Variants in KIF3A observed in about 807,000 individuals in gnomAD.
KIF3A encodes the protein kinesin-like protein KIF3A.
In KIF3A, 27 loss-of-function variants were observed where a neutral mutation model predicts 92.6. The observed-to-expected ratio is 0.29, with a 90% CI of 0.21 to 0.40. The LOEUF is 0.40. KIF3A is among the 10% of genes least tolerant of loss of function. The pLI is 1.00. For synonymous variants in KIF3A, 250 were observed against 275.4 expected (o/e 0.91, Z 0.92); for missense variants, 581 against 872.6 (o/e 0.67, Z 4.21).
At chr5:132,709,835 G>A (rs1221855233) in intron 9 of KIF3A, among the ~76,000 whole-genome samples, 1 of 152,196 alleles carries the variant, frequency 6.6e-6, no homozygotes, top group East Asian at 1.9e-4. Context: ...CAGGTGGTGA[G>A]CTGGATTTAG....
At chr5:132,729,373 G>C (rs1175706503) in intron 2 of KIF3A, among the ~76,000 whole-genome samples, 1 of 152,056 alleles carries the variant, frequency 6.6e-6, no homozygotes, top group Non-Finnish European at 1.5e-5. Flanking sequence ...AATCACTTGA[G>C]TCCAGGAGGC....
chr5:132,729,874 A>G (rs1016543082), intron 2 of KIF3A, among the ~76,000 whole-genome samples: 9 of 152,086 alleles, frequency 5.9e-5, no homozygotes, highest in Non-Finnish European at 1.3e-4. Context: ...AAGTAAGAAA[A>G]AAAAATAAAG....
chr5:132,721,339 T>G (rs1314624836), intron 4 of KIF3A: 1 of 152,148 alleles, frequency 6.6e-6, no homozygotes, highest in African/African-American at 2.4e-5. Flanking sequence ...TAACCAAATT[T>G]GAAAAATGTA....
chr5:132,707,581 CTA>C (rs1314181759), intron 10 of KIF3A, among the ~76,000 whole-genome samples: 4 of 152,212 alleles, frequency 2.6e-5, no homozygotes, highest in Admixed American at 1.3e-4. Context: ...AGTAATACCT[CTA>C]TGTGGTTTCT....
intron 15 of KIF3A, among the ~76,000 whole-genome samples, chr5:132,701,305 C>A (rs1405953674): frequency 1.3e-5 from 2 of 151,966 alleles, no homozygotes; most frequent in African/African-American, 2.4e-5. Flanking sequence ...TCAAGACCAG[C>A]CTGGCCAACA....
chr5:132,689,561 A>G (rs1752614490), downstream of KIF3A: 1 of 152,226 alleles, frequency 6.6e-6, no homozygotes, highest in Non-Finnish European at 1.5e-5. Flanking sequence ...AAATAGTCTG[A>G]TATAATAATC....
rs559235506 is a variant in KIF3A, at chr5:132,700,270, A to G, written c.1953T>C (p.Tyr651=). 44 of 1,595,138 alleles carry G rather than the reference A, an allele frequency of 2.8e-5. No homozygotes were observed. The South Asian group carries it at 4.5e-4, about 16-fold the overall frequency. ...TTTGCTTCCTCATGTTATTTCCTGT[A>G]TAAGCAACACATTTCTCAAAAAAAG... The part of the protein sequence containing the change: ...IGEWQLKCVA[Y]TGNNMRKQTP... Residue 651 remains tyrosine, a synonymous_variant, in exon 17 of 19, where the codon TAT becomes TAC. Coordinates refer to ENST00000403231, the MANE Select transcript of KIF3A (RefSeq NM_001300791.2).
In KIF3A at chr5:132,703,074, T is replaced by C. The variant is rs539742699; in HGVS notation, c.1467-9A>G. On this transcript the variant is annotated splice_polypyrimidine_tract_variant and intron_variant, in intron 12 of 18. Coordinates refer to ENST00000403231, the MANE Select transcript of KIF3A (RefSeq NM_001300791.2). ...AAGACTGATGCTCTTGTCTGTTGATTAGAATGAGAATACTCTATATTCACT... is the reference window on the plus strand; with the variant it reads ...AAGACTGATGCTCTTGTCTGTTGATCAGAATGAGAATACTCTATATTCACT... 1.0e-5 allele frequency: 16 copies of C among 1,597,618 alleles called. No homozygotes were observed. Among genetic ancestry groups the C allele is most frequent in the East Asian group, 8.9e-5 (4 of 44,716 alleles).
chr5:132,705,767 A>G (rs1183316758), intron 11 of KIF3A, among the ~76,000 whole-genome samples: 2 of 152,062 alleles, frequency 1.3e-5, no homozygotes, highest in Non-Finnish European at 2.9e-5. Context: ...TTCTCCACAA[A>G]TAATATTTTA....
Position 132,699,215 on chromosome 5 carries a change from T to G in KIF3A, c.2088A>C (p.Arg696Ser). 1 of 1,614,042 alleles carries G rather than the reference T, an allele frequency of 6.2e-7. No individual in the cohort carries two copies. The highest frequency in any genetic ancestry group is 2.2e-5 in the East Asian group (1 of 44,878). ...SLRQSLMKLE[R>S]PRTSKGKARP... is the part of the protein sequence containing the mutation. The stretch of plus-strand genomic sequence containing the variant: ...TTGCTTTCCCCTTTGAAGTTCGTGG[T>G]CTTTCTAGTTTCATCAAAGACTGAC... Residue 696 changes from arginine to serine, a missense_variant, in exon 18 of 19, where the codon AGA (arginine) becomes AGC (serine). By Grantham distance (110) the Arg-to-Ser change is moderately radical. Around this residue, in one of 5 missense-constraint regions of KIF3A, gnomAD observed 112 missense variants for 144.3 expected, o/e 0.78. Coordinates refer to ENST00000403231, the MANE Select transcript of KIF3A (RefSeq NM_001300791.2).
chr5:132,700,984 A>G (rs1753016563), intron 15 of KIF3A, among the ~76,000 whole-genome samples: 1 of 152,178 alleles, frequency 6.6e-6, no homozygotes, highest in Non-Finnish European at 1.5e-5. Context: ...GGAAGGGGAA[A>G]CTGGTTAGAA....
chr5:132,715,787 T>C lies in KIF3A; in HGVS notation c.1099A>G (p.Ile367Val). ...TCAAGCTTCTTTTTCAGTTCTTCTA[T>C]TTCTTTCTGGAACTGACGCAGCAAA... ...DALLRQFQKEIEELKKKLEEG... is the reference protein window; with the variant it reads ...DALLRQFQKEVEELKKKLEEG... Residue 367 changes from isoleucine to valine, a missense_variant, in exon 8 of 19, where the codon ATA (isoleucine) becomes GTA (valine). Physicochemically the swap from Ile to Val is conservative, Grantham distance 29. This residue lies in a region of KIF3A where 167 missense variants were observed against 205.8 expected (regional missense o/e 0.81). Coordinates refer to ENST00000403231, the MANE Select transcript of KIF3A (RefSeq NM_001300791.2). 2.5e-6 allele frequency: 4 copies of C among 1,608,306 alleles called. No homozygotes were observed. The highest frequency in any genetic ancestry group is 3.4e-6 in the Non-Finnish European group (4 of 1,178,438).
chr5:132,737,067 A>C, intron 1 of KIF3A: 1 of 405,436 alleles, frequency 2.5e-6, no homozygotes, highest in Non-Finnish European at 4.4e-6. Context: ...GCAGCATCCA[A>C]AGAGCCCCAC....
At chr5:132,708,209 G>A (rs1753287896) in intron 10 of KIF3A, among the ~76,000 whole-genome samples, 1 of 150,846 alleles carries the variant, frequency 6.6e-6, no homozygotes, top group African/African-American at 2.4e-5. Context: ...GTGAACCCGG[G>A]AGGCGGAGCT....
rs1401611618 is a variant in KIF3A, at chr5:132,693,809, C to G, written c.*2825G>C. ...TGGCCAACATGGTGAAACCCGGTCTCTACTAAAAAAAAAATACAAAAATTA... is the reference window on the plus strand; with the variant it reads ...TGGCCAACATGGTGAAACCCGGTCTGTACTAAAAAAAAAATACAAAAATTA... On this transcript the variant is annotated 3_prime_UTR_variant, in exon 19 of 19. Coordinates refer to ENST00000403231, the MANE Select transcript of KIF3A (RefSeq NM_001300791.2). 2.0e-5 allele frequency: 3 copies of G among 151,518 alleles called. No homozygotes were observed. The allele number at this position is 151,518 out of a possible 1,614,324, so 9.4% of individuals were successfully genotyped here. A position where few individuals can be genotyped will look rare whatever the true frequency, so the allele number is the denominator to read the frequency against.
At position 132,694,851 on chromosome 5, in the gene KIF3A, A is replaced by C. The variant is rs970545638; in HGVS notation, c.*1783T>G. On this transcript the variant is annotated 3_prime_UTR_variant, in exon 19 of 19. Transcript: ENST00000403231. The stretch of plus-strand genomic sequence containing the variant: ...ATACCACAAACAAATGCAGCCAGTG[A>C]AATGCAATTCTAATCACCTAGAAAA... The C allele has an allele frequency of 2.0e-5, 3 of 152,340 alleles. No homozygotes were observed. Among genetic ancestry groups the C allele is most frequent in the African/African-American group, 7.2e-5 (3 of 41,448 alleles). The allele number at this position is 152,340 out of a possible 1,614,324, so 9.4% of individuals were successfully genotyped here. A position where few individuals can be genotyped will look rare whatever the true frequency, so the allele number is the denominator to read the frequency against.
chr5:132,700,335 T>C (rs1379067980), intron 16 of KIF3A, 51 bp from the exon 17 acceptor site: 1 of 1,050,512 alleles, frequency 9.5e-7, no homozygotes, highest in Admixed American at 2.1e-5. Flanking sequence ...TAGTAATCAA[T>C]ACTGTGAGTT....
chr5:132,710,682 A>G (rs1753389788), intron 9 of KIF3A, among the ~76,000 whole-genome samples: 1 of 152,232 alleles, frequency 6.6e-6, no homozygotes, highest in Non-Finnish European at 1.5e-5. Context: ...GTCCCTACAT[A>G]AAATTAAAAC....
At chr5:132,691,505 C>G (rs1752663058), downstream of KIF3A, among the ~76,000 whole-genome samples, 2 of 151,362 alleles carry the variant, frequency 1.3e-5, no homozygotes, top group South Asian at 4.2e-4. Context: ...TGAGATCGTG[C>G]CATTGCACTC....
Sources: gnomAD v4.1 joint callset for allele counts (sites outside exome capture counted in the v4.1 genomes callset) on GRCh38, gnomAD v4.1.1 for gene constraint, gnomAD v4.1.1 regional missense constraint, MANE v1.5 for transcripts, NCBI Gene and HGNC (gene_info 2026-07-23, HGNC 2026-07-21) for gene names.